Variants in FHIT observed in about 807,000 individuals in gnomAD.
FHIT encodes fragile histidine triad diadenosine triphosphatase, also known as bis(5'-adenosyl)-triphosphatase.
In FHIT, 19 loss-of-function variants were observed where a neutral mutation model predicts 17.9. That is an observed-to-expected ratio of 1.06 (90% CI 0.74 to 1.56). The LOEUF is 1.56. FHIT is among the 40% of genes most tolerant of loss of function. The pLI, the probability that FHIT is intolerant of heterozygous loss-of-function variation, is 0.00. For missense variants in FHIT, 248 were observed against 189.2 expected (o/e 1.31, Z -1.82); for synonymous variants, 81 against 69.7 (o/e 1.16, Z -0.81).
chr3:60,591,199 C>T (rs1177130647), intron 4 of FHIT, among the ~76,000 whole-genome samples: 1 of 152,064 alleles, frequency 6.6e-6, no homozygotes, highest in Non-Finnish European at 1.5e-5. Context: ...AATACATTTT[C>T]ACCAACTCTG....
At chr3:59,785,516 G>A (rs1040471340) in intron 8 of FHIT, among the ~76,000 whole-genome samples, 7 of 151,862 alleles carry the variant, frequency 4.6e-5, no homozygotes, top group African/African-American at 1.7e-4. Context: ...TTACCATGTC[G>A]GCCAAGCTGG....
rs572078316 is a variant in FHIT at position 60,790,662 on chromosome 3, G to A, written c.-18+31257C>T. 1.3e-4 allele frequency among the ~76,000 whole-genome samples: 20 copies of A among 152,216 alleles called. 1 individual carries two copies. Among genetic ancestry groups the A allele is most frequent in the African/African-American group, 4.1e-4 (17 of 41,516 alleles). ...GTACCTTAAAACATATTGAACCATA[G>A]GATGAATATATGGAGCAGGGGCATT... On this transcript the variant is annotated intron_variant, in intron 4 of 9. Transcript: ENST00000492590.
At chr3:59,929,829 T>C (rs950578748) in intron 7 of FHIT, among the ~76,000 whole-genome samples, 5 of 151,042 alleles carry the variant, frequency 3.3e-5, no homozygotes, top group Admixed American at 6.6e-5. Context: ...AATCCTTTTC[T>C]TCATGTAGAG....
intron 5 of FHIT, among the ~76,000 whole-genome samples, chr3:60,313,222 G>A (rs1353196421): frequency 1.3e-5 from 2 of 152,148 alleles, no homozygotes; most frequent in Non-Finnish European, 2.9e-5. Flanking sequence ...TTAGATACGT[G>A]CATTAGCACC....
intron 5 of FHIT, among the ~76,000 whole-genome samples, chr3:60,397,442 G>C (rs898810596): frequency 2.6e-5 from 4 of 152,182 alleles, no homozygotes; most frequent in African/African-American, 9.6e-5. Flanking sequence ...GAGTCCTTGA[G>C]CCCATGTTCC....
intron 5 of FHIT, among the ~76,000 whole-genome samples, chr3:60,410,068 T>C (rs1490615462): frequency 6.6e-6 from 1 of 152,174 alleles, no homozygotes; most frequent in Non-Finnish European, 1.5e-5. Flanking sequence ...AAATACAGGA[T>C]AATTCAGAAT....
At chr3:60,997,803 A>G (rs962169407) in intron 3 of FHIT, among the ~76,000 whole-genome samples, 1 of 152,172 alleles carries the variant, frequency 6.6e-6, no homozygotes, top group African/African-American at 2.4e-5. Flanking sequence ...AAACAAAACA[A>G]AACACGCCTT....
intron 4 of FHIT, among the ~76,000 whole-genome samples, chr3:60,766,377 G>A (rs1199457693): frequency 6.6e-6 from 1 of 152,066 alleles, no homozygotes; most frequent in Non-Finnish European, 1.5e-5. Context: ...CAGCCTGTCC[G>A]GCTTACTGTC....
intron 5 of FHIT, among the ~76,000 whole-genome samples, chr3:60,109,141 G>A (rs1045564408): frequency 7.6e-6 from 1 of 132,250 alleles, no homozygotes; most frequent in African/African-American, 2.6e-5. Flanking sequence ...GGTAGGGGCA[G>A]GGAGAGAGAG....
At chr3:60,305,566 A>C (rs1215354417) in intron 5 of FHIT, among the ~76,000 whole-genome samples, 1 of 152,124 alleles carries the variant, frequency 6.6e-6, no homozygotes, top group Non-Finnish European at 1.5e-5. Context: ...GGGCTTCAAA[A>C]CAATGTGTTT....
At chr3:60,210,627 G>A (rs970968854) in intron 5 of FHIT, among the ~76,000 whole-genome samples, 4 of 152,160 alleles carry the variant, frequency 2.6e-5, no homozygotes, top group African/African-American at 9.6e-5. Context: ...AATGCAAATG[G>A]GCCTTAAACA....
intron 3 of FHIT, among the ~76,000 whole-genome samples, chr3:60,965,907 T>A (rs544576390): frequency 8.5e-5 from 13 of 152,284 alleles, no homozygotes; most frequent in African/African-American, 3.1e-4. Flanking sequence ...TGAGGAGGCA[T>A]TCTGTCCGTT....
intron 5 of FHIT, among the ~76,000 whole-genome samples, chr3:60,269,981 C>T (rs1266062315): frequency 2.0e-5 from 3 of 152,266 alleles, no homozygotes; most frequent in Admixed American, 6.5e-5. Context: ...CCATAGCTTT[C>T]TCTGAAAATG....
At chr3:59,997,595 C>T (rs2107490864) in intron 7 of FHIT, among the ~76,000 whole-genome samples, 1 of 152,194 alleles carries the variant, frequency 6.6e-6, no homozygotes, top group Middle Eastern at 3.4e-3. Context: ...TACAAAGAAA[C>T]ACACATTGTC....
chr3:60,432,849 A>G (rs1368761283), intron 5 of FHIT, among the ~76,000 whole-genome samples: 2 of 151,902 alleles, frequency 1.3e-5, no homozygotes, highest in African/African-American at 2.4e-5. Context: ...GTTTTTGAAA[A>G]CACATTTTTG....
intron 5 of FHIT, among the ~76,000 whole-genome samples, chr3:60,043,033 C>A (rs550842419): frequency 6.6e-6 from 1 of 152,318 alleles, no homozygotes; most frequent in East Asian, 1.9e-4. Context: ...AATTTACCCT[C>A]TCCTTTTATG....
chr3:60,611,078 C>T (rs1304985368), intron 4 of FHIT, among the ~76,000 whole-genome samples: 3 of 152,316 alleles, frequency 2.0e-5, no homozygotes, highest in African/African-American at 4.8e-5. Context: ...GTTCCTTTGG[C>T]TACTGTGATC....
chr3:60,112,367 A>G (rs1252027932), intron 5 of FHIT, among the ~76,000 whole-genome samples: 2 of 152,196 alleles, frequency 1.3e-5, no homozygotes, highest in Admixed American at 6.5e-5. Flanking sequence ...TACTAATGCA[A>G]GAAACCATAG....
intron 5 of FHIT, among the ~76,000 whole-genome samples, chr3:60,374,536 G>A (rs1432090346): frequency 6.6e-6 from 1 of 150,884 alleles, no homozygotes; most frequent in Non-Finnish European, 1.5e-5. Flanking sequence ...ATGACTAGTA[G>A]GATCTTCCAC....
Sources: allele counts gnomAD v4.1 joint callset (sites outside exome capture counted in the v4.1 genomes callset), GRCh38; gene constraint gnomAD v4.1.1; transcripts MANE v1.5; gene names NCBI Gene and HGNC (gene_info 2026-07-23, HGNC 2026-07-21).